The following SLC7A2 variants were observed in gnomAD, a reference collection of about 807,000 sequenced individuals.
SLC7A2 encodes cationic amino acid transporter 2.
Under a neutral mutation model 58.9 loss-of-function variants are expected in SLC7A2, and 48 were observed. The ratio of observed to expected loss-of-function variants is 0.82; its 90% confidence interval spans 0.65 to 1.04. SLC7A2 has a LOEUF of 1.04. Ranked by LOEUF, SLC7A2 falls within the 50% of genes least tolerant of loss-of-function variation. The pLI, the probability that SLC7A2 is intolerant of heterozygous loss-of-function variation, is 0.00. For missense variants in SLC7A2, 1,029 were observed against 818.8 expected (o/e 1.26, Z -3.13); for synonymous variants, 363 against 314.5 (o/e 1.15, Z -1.63).
At chr8:17,536,697 C>T (rs191998414) in intron 2 of SLC7A2, among the ~76,000 whole-genome samples, 46 of 152,282 alleles carry the variant, frequency 3.0e-4, no homozygotes, top group Non-Finnish European at 5.6e-4. Flanking sequence ...TATTCTATCA[C>T]GGAAACCTCC....
At chr8:17,502,397 A>G (rs1481454789) in intron 2 of SLC7A2, 95 bp downstream of exon 2, 1 of 152,152 alleles carries the variant, frequency 6.6e-6, no homozygotes, top group African/African-American at 2.4e-5. Flanking sequence ...TGCCTATTCC[A>G]TATTAGAGAG....
chr8:17,570,463 G>A lies in SLC7A2; in HGVS notation c.*5317G>A, dbSNP rs1585286876. ...GTGTTCCTTTTTACTTATAAAGTTG[G>A]ATTCTTTTTTAGAATTTGTAATAAA... On this transcript the variant is annotated 3_prime_UTR_variant, in exon 13 of 13. Coordinates refer to ENST00000494857, the MANE Select transcript of SLC7A2 (RefSeq NM_001370338.1). The A allele has an allele frequency of 1.3e-5, 2 of 152,430 alleles. No homozygotes were observed. The highest frequency in any genetic ancestry group is 3.9e-4 in the East Asian group (2 of 5,194). 9.4% of individuals were successfully genotyped at this position (152,430 alleles called of 1,614,324 possible).
At chr8:17,515,426 G>A (rs1486090457) in intron 2 of SLC7A2, among the ~76,000 whole-genome samples, 1 of 151,932 alleles carries the variant, frequency 6.6e-6, no homozygotes, top group Non-Finnish European at 1.5e-5. Flanking sequence ...CTCCTGAGTA[G>A]CTGGGATTAC....
chr8:17,519,235 A>G (rs1473153177), intron 2 of SLC7A2, among the ~76,000 whole-genome samples: 1 of 152,194 alleles, frequency 6.6e-6, no homozygotes, highest in Non-Finnish European at 1.5e-5. Flanking sequence ...TAGGGTTGAT[A>G]GGTAATTCAG....
At chr8:17,554,929 G>C in intron 8 of SLC7A2, 1 of 1,613,204 alleles carries the variant, frequency 6.2e-7, no homozygotes, top group Non-Finnish European at 8.5e-7. Context: ...TGTGGATTTT[G>C]AATTTTTCTG....
chr8:17,561,040 A>T (rs567201263), intron 10 of SLC7A2, among the ~76,000 whole-genome samples: 1 of 152,322 alleles, frequency 6.6e-6, no homozygotes, highest in Admixed American at 6.5e-5. Flanking sequence ...ACAGGACAGG[A>T]TAATTGGTGG....
chr8:17,513,792 C>T (rs962154284), intron 2 of SLC7A2, among the ~76,000 whole-genome samples: 4 of 152,066 alleles, frequency 2.6e-5, no homozygotes, highest in African/African-American at 9.7e-5. Context: ...CTTTTTGTCC[C>T]ACTTACAACA....
Position 17,570,379 on chromosome 8 carries a change from T to C in SLC7A2, c.*5233T>C, listed in dbSNP as rs1453617133. ...AACCAACAAAGGCATTGGACTTGTG[T>C]GAATGTACAGGGTTTTTTTAGTAGT... is the stretch of plus-strand genomic sequence containing the variant. On this transcript the variant is annotated 3_prime_UTR_variant, in exon 13 of 13. Transcript: ENST00000494857. 1 of 152,632 alleles carries C rather than the reference T, an allele frequency of 6.6e-6. No individual in the cohort carries two copies. The highest frequency in any genetic ancestry group is 1.5e-5 in the Non-Finnish European group (1 of 68,048). 9.5% of individuals were successfully genotyped at this position (152,632 alleles called of 1,614,324 possible). A position where few individuals can be genotyped will look rare whatever the true frequency, so the allele number is the denominator to read the frequency against.
chr8:17,496,245 C>T (rs914433868), upstream of SLC7A2, among the ~76,000 whole-genome samples: 3 of 152,092 alleles, frequency 2.0e-5, no homozygotes, highest in African/African-American at 4.8e-5. Flanking sequence ...TAGCTTGAGC[C>T]CAGGAGGTCG....
chr8:17,556,758 G>A (rs1487082068), intron 8 of SLC7A2, among the ~76,000 whole-genome samples: 4 of 151,944 alleles, frequency 2.6e-5, no homozygotes, highest in Non-Finnish European at 5.9e-5. Flanking sequence ...ACAGTCACGT[G>A]CCACCACGCC....
chr8:17,527,890 G>A (rs1158615708), intron 2 of SLC7A2, among the ~76,000 whole-genome samples: 1 of 152,072 alleles, frequency 6.6e-6, no homozygotes, highest in Non-Finnish European at 1.5e-5. Context: ...TACATAACAA[G>A]GAGTAAAATC....
At chr8:17,555,251 C>T (rs1030122702) in intron 8 of SLC7A2, among the ~76,000 whole-genome samples, 15 of 151,316 alleles carry the variant, frequency 9.9e-5, no homozygotes, top group East Asian at 1.9e-4. Flanking sequence ...ATTGTGGTGG[C>T]GGTGGTATAA....
intron 5 of SLC7A2, among the ~76,000 whole-genome samples, chr8:17,549,152 C>A (rs1007766886): frequency 6.6e-6 from 1 of 152,156 alleles, no homozygotes; most frequent in South Asian, 2.1e-4. Context: ...CAGGAAAGAC[C>A]TGCCCCCATG....
intron 2 of SLC7A2, among the ~76,000 whole-genome samples, chr8:17,525,855 A>T (rs1240412933): frequency 6.6e-6 from 1 of 152,216 alleles, no homozygotes; most frequent in Non-Finnish European, 1.5e-5. Flanking sequence ...TACATGAAAT[A>T]GGGAGGCTGA....
At chr8:17,539,831 C>G (rs1381170948) in intron 2 of SLC7A2, among the ~76,000 whole-genome samples, 2 of 152,146 alleles carry the variant, frequency 1.3e-5, no homozygotes, top group African/African-American at 4.8e-5. Context: ...TGCATTGTAT[C>G]TCTGCATTCG....
At chr8:17,562,918 ATTGC>A (rs1394632281) in intron 11 of SLC7A2, among the ~76,000 whole-genome samples, 3 of 152,104 alleles carry the variant, frequency 2.0e-5, no homozygotes, top group African/African-American at 7.2e-5. Context: ...AGGCAGGAGG[ATTGC>A]TTGAGGCCAG....
chr8:17,531,129 A>G (rs150847846), intron 2 of SLC7A2, among the ~76,000 whole-genome samples: 196 of 152,312 alleles, frequency 1.3e-3, no homozygotes, highest in Middle Eastern at 3.4e-3. Context: ...TTCAGAGCCT[A>G]AGATAGGATA....
rs778501899 is a variant in SLC7A2 at position 17,565,265 on chromosome 8, C to G, written c.*119C>G. ...GGGTTTGCTGCATACATAGTTCACC[C>G]TAATTTATACTTACTCATCTGGACA... On this transcript the variant is annotated 3_prime_UTR_variant, in exon 13 of 13. Coordinates refer to ENST00000494857, the MANE Select transcript of SLC7A2 (RefSeq NM_001370338.1). 3.5e-4 allele frequency: 251 copies of G among 724,164 alleles called. 1 individual carries two copies. The highest frequency in any genetic ancestry group is 5.4e-4 in the Non-Finnish European group (239 of 443,618). 44.9% of individuals were successfully genotyped at this position (724,164 alleles called of 1,614,324 possible).
chr8:17,539,856 G>C (rs776391562), intron 2 of SLC7A2, among the ~76,000 whole-genome samples: 6 of 152,224 alleles, frequency 3.9e-5, no homozygotes, highest in Non-Finnish European at 7.3e-5. Flanking sequence ...TGTTGTATAA[G>C]TAGGAGGGAT....
Sources: gnomAD v4.1 joint callset for allele counts (sites outside exome capture counted in the v4.1 genomes callset) on GRCh38, gnomAD v4.1.1 for gene constraint, MANE v1.5 for transcripts, NCBI Gene and HGNC (gene_info 2026-07-23, HGNC 2026-07-21) for gene names.